Variants in ISM1 observed in about 807,000 individuals in gnomAD.
ISM1 encodes isthmin 1.
ISM1 carries 25 observed loss-of-function variants against 46.3 expected under a neutral mutation model. The observed-to-expected ratio is 0.54, with a 90% CI of 0.39 to 0.75. The LOEUF is 0.75. Ranked by LOEUF, ISM1 falls within the 30% of genes least tolerant of loss-of-function variation. The pLI is 0.00. For synonymous variants in ISM1, 255 were observed against 256.7 expected, an observed-to-expected ratio of 0.99 and a Z score of 0.06; for missense variants, 536 against 625.4, an observed-to-expected ratio of 0.86 and a Z score of 1.52.
At chr20:13,289,196 G>A (rs1278105720) in intron 4 of ISM1, among the ~76,000 whole-genome samples, 3 of 152,110 alleles carry the variant, frequency 2.0e-5, no homozygotes, top group Non-Finnish European at 4.4e-5. Flanking sequence ...AGACAATGTC[G>A]CATTGTACTT....
intron 1 of ISM1, among the ~76,000 whole-genome samples, chr20:13,233,946 C>G (rs372383131): frequency 6.6e-6 from 1 of 152,164 alleles, no homozygotes; most frequent in East Asian, 1.9e-4. Flanking sequence ...CCCAGAACTA[C>G]TGAATCAGAA....
the ISM1 span, among the ~76,000 whole-genome samples, chr20:13,317,188 C>T: frequency 1.3e-5 from 2 of 151,746 alleles, no homozygotes; most frequent in East Asian, 1.9e-4. Flanking sequence ...TTTACATTAA[C>T]ACCTCAAAAT....
Position 13,287,157 on chromosome 20 carries a change from C to T in ISM1, c.644-1383C>T, listed in dbSNP as rs115372538. Among the ~76,000 whole-genome samples, 381 of 152,246 alleles carry T rather than the reference C, an allele frequency of 2.5e-3. 1 individual carries two copies. The highest frequency in any genetic ancestry group is 8.7e-3 in the African/African-American group (361 of 41,524). ...CTCATACTGCTCATGAAGACATACCCGAGACTGGGTAATTTATAAAGGAAA... is the reference window on the plus strand; with the variant it reads ...CTCATACTGCTCATGAAGACATACCTGAGACTGGGTAATTTATAAAGGAAA... On this transcript the variant is annotated intron_variant, in intron 3 of 5. Coordinates refer to ENST00000262487, the MANE Select transcript of ISM1 (RefSeq NM_080826.2).
intron 1 of ISM1, among the ~76,000 whole-genome samples, chr20:13,223,700 A>C (rs2039479423): frequency 6.6e-6 from 1 of 152,210 alleles, no homozygotes. Flanking sequence ...ACAGTGACAG[A>C]CTGAGGGAAT....
intron 1 of ISM1, among the ~76,000 whole-genome samples, chr20:13,267,677 CTT>C (rs1358122811): frequency 1.3e-5 from 2 of 152,208 alleles, no homozygotes; most frequent in African/African-American, 4.8e-5. Context: ...ATCAATCAGA[CTT>C]AGTCCCTGTT....
intron 1 of ISM1, among the ~76,000 whole-genome samples, chr20:13,228,567 T>A (rs77539519): frequency 0.019 from 2,911 of 152,278 alleles, 40 homozygotes; most frequent in Non-Finnish European, 0.022. Flanking sequence ...TTGATGCTTT[T>A]ATGATTTTTT....
In ISM1 at chr20:13,299,206, C is replaced by T; in HGVS notation, c.1142C>T (p.Ala381Val). 1.2e-6 allele frequency: 2 copies of T among 1,601,884 alleles called. No individual in the cohort carries two copies. The highest frequency in any genetic ancestry group is 8.5e-7 in the Non-Finnish European group (1 of 1,174,216). The change falls in exon 6 of 6, where the codon GCG becomes GTG. Residue 381 changes from alanine to valine, a missense_variant. By Grantham distance (64) the Ala-to-Val change is moderately conservative. Around this residue, in one of 2 missense-constraint regions of ISM1, gnomAD observed 169 missense variants for 249.3 expected, o/e 0.68. Transcript: ENST00000262487. This position sits in a 1 kb window ranked among gnomAD's most constrained non-coding sequence, Gnocchi z 5.8. ...CTGTCCCTGGAGAGCACCACGCTGG[C>T]GGCACAGCACTGCTGCTACGGCGAC... ...SMLSLESTTLAAQHCCYGDNM... is the reference protein window; with the variant it reads ...SMLSLESTTLVAQHCCYGDNM...
chr20:13,224,230 A>G (rs1402492173), intron 1 of ISM1, among the ~76,000 whole-genome samples: 1 of 152,130 alleles, frequency 6.6e-6, no homozygotes, highest in Non-Finnish European at 1.5e-5. Context: ...TTTAGTTCAT[A>G]ATTTTGCTGT....
At chr20:13,313,565 C>T in the ISM1 span, among the ~76,000 whole-genome samples, 1 of 152,142 alleles carries the variant, frequency 6.6e-6, no homozygotes, top group African/African-American at 2.4e-5. Context: ...TGAGCCTATT[C>T]GGGCTCGGGA....
chr20:13,307,438 G>A, the ISM1 span, among the ~76,000 whole-genome samples: 1 of 152,108 alleles, frequency 6.6e-6, no homozygotes, highest in African/African-American at 2.4e-5. Flanking sequence ...GGAGCTCTCT[G>A]GGGCTACAGA....
At chr20:13,223,686 A>G (rs1019420214) in intron 1 of ISM1, among the ~76,000 whole-genome samples, 7 of 152,246 alleles carry the variant, frequency 4.6e-5, no homozygotes, top group Non-Finnish European at 7.3e-5. Context: ...GTGGGTAGAT[A>G]AGTACAGTGA....
At position 13,288,457 on chromosome 20, in the gene ISM1, T is replaced by G; in HGVS notation, c.644-83T>G. On this transcript the variant is annotated intron_variant, in intron 3 of 5. Transcript: ENST00000262487. ...CCTCCCACAGCGAGAAGGATAGAAG[T>G]GAATAATTGACAGGCTGCTTGATGG... is the stretch of plus-strand genomic sequence containing the variant. 5 of 1,430,736 alleles carry G rather than the reference T, an allele frequency of 3.5e-6. 1 individual carries two copies. The South Asian group carries it at 6.3e-5, about 18-fold the overall frequency. The allele number at this position is 1,430,736 out of a possible 1,614,324, so 88.6% of individuals were successfully genotyped here.
At chr20:13,304,911 C>T (rs1277916722), downstream of ISM1, among the ~76,000 whole-genome samples, 1 of 152,200 alleles carries the variant, frequency 6.6e-6, no homozygotes, top group East Asian at 1.9e-4. Flanking sequence ...CTGGAATCTT[C>T]TACCAAATAA....
chr20:13,259,828 C>A (rs1042921503), intron 1 of ISM1, among the ~76,000 whole-genome samples: 1 of 152,196 alleles, frequency 6.6e-6, no homozygotes, highest in African/African-American at 2.4e-5. Flanking sequence ...TGGGGCAGGC[C>A]TGTGCCCCAA....
Position 13,299,676 on chromosome 20 carries a change from GC to G in ISM1, c.*221del, listed in dbSNP as rs2040441776. 6.1e-6 allele frequency: 3 copies of G among 491,572 alleles called. No homozygotes were observed. The highest frequency in any genetic ancestry group is 5.7e-5 in the African/African-American group (3 of 52,752). The allele number at this position is 491,572 out of a possible 1,614,324, so 30.5% of individuals were successfully genotyped here. ...GCCATCTGCAGAGCTCCTTGAAAGT[GC>G]CCCTGGGGAGCGATGTGGGCAGAAG... is the stretch of plus-strand genomic sequence containing the variant. On this transcript the variant is annotated 3_prime_UTR_variant, in exon 6 of 6. Coordinates refer to ENST00000262487, the MANE Select transcript of ISM1 (RefSeq NM_080826.2). This position sits in a 1 kb window ranked among gnomAD's most constrained non-coding sequence, Gnocchi z 5.8.
At chr20:13,234,540 A>G (rs2039625765) in intron 1 of ISM1, among the ~76,000 whole-genome samples, 1 of 152,210 alleles carries the variant, frequency 6.6e-6, no homozygotes, top group African/African-American at 2.4e-5. Flanking sequence ...ACTGTTTTCT[A>G]TAAAGGTTGT....
chr20:13,245,663 T>C (rs1475717058), intron 1 of ISM1, among the ~76,000 whole-genome samples: 1 of 152,214 alleles, frequency 6.6e-6, no homozygotes, highest in Non-Finnish European at 1.5e-5. Flanking sequence ...GTCCTTACTT[T>C]TCCAGATTTC....
At chr20:13,318,617 A>G in the ISM1 span, among the ~76,000 whole-genome samples, 1 of 152,364 alleles carries the variant, frequency 6.6e-6, no homozygotes, top group Admixed American at 6.5e-5. Context: ...GGGATAAACT[A>G]TATCTTATTA....
chr20:13,235,763 T>C (rs2039640837), intron 1 of ISM1, among the ~76,000 whole-genome samples: 1 of 152,108 alleles, frequency 6.6e-6, no homozygotes, highest in Admixed American at 6.6e-5. Flanking sequence ...TGCCTGCAAA[T>C]ACGTTATTCA....
Sources: gnomAD v4.1 joint callset for allele counts (sites outside exome capture counted in the v4.1 genomes callset) on GRCh38, gnomAD v4.1.1 for gene constraint, gnomAD v4.1.1 regional missense constraint, Gnocchi (gnomAD v3.1) non-coding constraint, MANE v1.5 for transcripts, NCBI Gene and HGNC (gene_info 2026-07-23, HGNC 2026-07-21) for gene names.